Variants in CAMTA1 observed in about 807,000 individuals in gnomAD.
CAMTA1 encodes the protein calmodulin binding transcription activator 1, also known as calmodulin-binding transcription activator 1.
CAMTA1 carries 27 observed loss-of-function variants against 170.9 expected under a neutral mutation model. That is an observed-to-expected ratio of 0.16 (90% CI 0.12 to 0.22). CAMTA1 has a LOEUF of 0.22. Ranked by LOEUF, CAMTA1 falls within the 10% of genes least tolerant of loss-of-function variation. The pLI, the probability that CAMTA1 is intolerant of heterozygous loss-of-function variation, is 1.00. For synonymous variants in CAMTA1, 833 were observed against 891.5 expected, an observed-to-expected ratio of 0.93 and a Z score of 1.17; for missense variants, 1,619 against 2,217.2, an observed-to-expected ratio of 0.73 and a Z score of 5.42.
chr1:6,880,594 T>G (rs1671290489), intron 3 of CAMTA1, among the ~76,000 whole-genome samples: 1 of 152,104 alleles, frequency 6.6e-6, no homozygotes. Flanking sequence ...TTCACTGTAT[T>G]GTCCAGGCTG....
intron 3 of CAMTA1, among the ~76,000 whole-genome samples, chr1:7,052,869 G>T (rs967991984): frequency 2.6e-5 from 4 of 152,092 alleles, no homozygotes; most frequent in African/African-American, 9.7e-5. Context: ...GGTCTCTTGG[G>T]CCGGGCCGTC....
At chr1:6,866,899 CAT>C (rs1419886119) in intron 3 of CAMTA1, among the ~76,000 whole-genome samples, 1 of 152,174 alleles carries the variant, frequency 6.6e-6, no homozygotes, top group African/African-American at 2.4e-5. Flanking sequence ...TTTATTGTCT[CAT>C]GTAACAAGAA....
intron 6 of CAMTA1, among the ~76,000 whole-genome samples, chr1:7,618,436 T>G (rs6684215): frequency 0.23 from 35,749 of 152,142 alleles, 6,279 homozygotes; most frequent in African/African-American, 0.5. Context: ...CTCCAGGCTC[T>G]CAACTCTGCA....
chr1:7,229,203 C>A lies in CAMTA1; in HGVS notation c.303-20288C>A, dbSNP rs192569497. Among the ~76,000 whole-genome samples, 16 of 151,620 alleles carry A rather than the reference C, an allele frequency of 1.1e-4. No homozygotes were observed. In the East Asian group the frequency reaches 2.8e-3, roughly 26 times the overall value. On this transcript the variant is annotated intron_variant, in intron 4 of 22. Coordinates refer to ENST00000303635, the MANE Select transcript of CAMTA1 (RefSeq NM_015215.4). ...AGCTCTAGGGGACAGGGGTTGCTGTCCTTCCATCCTCCCTGGGCCTTCTGC... is the reference window on the plus strand; with the variant it reads ...AGCTCTAGGGGACAGGGGTTGCTGTACTTCCATCCTCCCTGGGCCTTCTGC...
At chr1:7,662,002 C>T (rs1363830947) in intron 8 of CAMTA1, 136 bp downstream of exon 8, 1 of 1,037,956 alleles carries the variant, frequency 9.6e-7, no homozygotes, top group Non-Finnish European at 1.4e-6. Context: ...GACTGGGCGA[C>T]ACCACCGCAC....
intron 4 of CAMTA1, among the ~76,000 whole-genome samples, chr1:7,100,989 C>T (rs1642650840): frequency 1.3e-5 from 2 of 152,188 alleles, no homozygotes; most frequent in Non-Finnish European, 2.9e-5. Context: ...GACTGCCCGC[C>T]CAGGGTGACC....
At chr1:7,461,161 A>C (rs1352756546) in intron 5 of CAMTA1, among the ~76,000 whole-genome samples, 1 of 152,330 alleles carries the variant, frequency 6.6e-6, no homozygotes, top group East Asian at 1.9e-4. Flanking sequence ...GAGCTTTGCC[A>C]TCACAGGCAC....
At chr1:7,742,915 A>G (rs1291414822) in intron 16 of CAMTA1, among the ~76,000 whole-genome samples, 4 of 152,052 alleles carry the variant, frequency 2.6e-5, no homozygotes, top group South Asian at 4.1e-4. Flanking sequence ...TGCAACTTCC[A>G]TCTCCTGGGT....
At chr1:7,762,926 C>T (rs1272713774) in intron 22 of CAMTA1, among the ~76,000 whole-genome samples, 7 of 151,986 alleles carry the variant, frequency 4.6e-5, no homozygotes, top group Non-Finnish European at 1.0e-4. Flanking sequence ...GGAAATTTTC[C>T]AAATGCATGT....
intron 5 of CAMTA1, among the ~76,000 whole-genome samples, chr1:7,314,881 C>T (rs1677251698): frequency 6.6e-6 from 1 of 152,176 alleles, no homozygotes; most frequent in Admixed American, 6.5e-5. Context: ...CTCTGACCAC[C>T]AGAAAACCTA....
chr1:7,288,672 G>T (rs1672680774), intron 5 of CAMTA1, among the ~76,000 whole-genome samples: 1 of 152,244 alleles, frequency 6.6e-6, no homozygotes, highest in Admixed American at 6.5e-5. Flanking sequence ...TACTGGGGAA[G>T]AGGACTGAAA....
chr1:7,435,660 T>C lies in CAMTA1; in HGVS notation c.439-32170T>C, dbSNP rs951902812. ...CAGAAAGAACCAGGCAGCCTCCTTC[T>C]GACCAGGCAAGGGCTGGCCGCCGTT... On this transcript the variant is annotated intron_variant, in intron 5 of 22. Coordinates refer to ENST00000303635, the MANE Select transcript of CAMTA1 (RefSeq NM_015215.4). This position sits in a 1 kb window ranked among gnomAD's most constrained non-coding sequence, Gnocchi z 4.4. 6.6e-6 allele frequency among the ~76,000 whole-genome samples: 1 copy of C among 152,188 alleles called. No individual in the cohort carries two copies. Among genetic ancestry groups the C allele is most frequent in the African/African-American group, 2.4e-5 (1 of 41,450 alleles).
intron 5 of CAMTA1, among the ~76,000 whole-genome samples, chr1:7,403,222 C>T (rs576638354): frequency 9.9e-5 from 15 of 152,154 alleles, no homozygotes; most frequent in Admixed American, 6.5e-4. Flanking sequence ...GGCGTGATGA[C>T]GGGTGCCTGT....
At chr1:7,374,542 G>A (rs574142651) in intron 5 of CAMTA1, among the ~76,000 whole-genome samples, 1 of 152,350 alleles carries the variant, frequency 6.6e-6, no homozygotes, top group East Asian at 1.9e-4. Context: ...TTGCCTGGGT[G>A]GAAGGGAAGA....
At chr1:6,986,814 A>G (rs980783188) in intron 3 of CAMTA1, among the ~76,000 whole-genome samples, 2 of 151,988 alleles carry the variant, frequency 1.3e-5, no homozygotes, top group Non-Finnish European at 2.9e-5. Context: ...CCAGGTTTGG[A>G]GCTGGGCGTT....
chr1:7,600,266 C>A (rs1352580500), intron 6 of CAMTA1, among the ~76,000 whole-genome samples: 1 of 152,152 alleles, frequency 6.6e-6, no homozygotes, highest in African/African-American at 2.4e-5. Context: ...TATGTTGAAC[C>A]AGCCTTGCAT....
At chr1:6,902,769 A>C (rs991360267) in intron 3 of CAMTA1, among the ~76,000 whole-genome samples, 2 of 152,242 alleles carry the variant, frequency 1.3e-5, no homozygotes, top group African/African-American at 4.8e-5. Flanking sequence ...GTGAGATGCC[A>C]TCTATTATTA....
At chr1:6,957,853 T>C (rs909677820) in intron 3 of CAMTA1, among the ~76,000 whole-genome samples, 2 of 152,192 alleles carry the variant, frequency 1.3e-5, no homozygotes, top group Admixed American at 1.3e-4. Flanking sequence ...AGAGTAGGGC[T>C]TTGAGCCAGC....
rs957720897 is a variant in CAMTA1, at chr1:7,659,675, C to T, written c.665-2051C>T. 5.3e-5 allele frequency among the ~76,000 whole-genome samples: 8 copies of T among 152,108 alleles called. No individual in the cohort carries two copies. In the East Asian group the frequency reaches 1.5e-3, roughly 29 times the overall value. ...GGGGCTGAGCCATCTGTGGATTTCA[C>T]AGCAAGAAGCTTCCTGCCACAAGCC... On this transcript the variant is annotated intron_variant, in intron 7 of 22. Transcript: ENST00000303635.
Sources: gnomAD v4.1 joint callset for allele counts (sites outside exome capture counted in the v4.1 genomes callset) on GRCh38, gnomAD v4.1.1 for gene constraint, Gnocchi (gnomAD v3.1) non-coding constraint, MANE v1.5 for transcripts, NCBI Gene and HGNC (gene_info 2026-07-23, HGNC 2026-07-21) for gene names.